TRPC5: variants seen among roughly 807,000 people sequenced by gnomAD.
The protein encoded by TRPC5 is short transient receptor potential channel 5.
TRPC5 carries 9 observed loss-of-function variants against 56.5 expected under a neutral mutation model. The observed-to-expected ratio is 0.16, with a 90% CI of 0.10 to 0.28. The LOEUF (loss-of-function observed/expected upper bound fraction) is 0.28. TRPC5 is among the 10% of genes least tolerant of loss of function. The probability of loss-of-function intolerance (pLI) is 1.00; values close to 1 mark genes in which losing one functional copy is unlikely to be tolerated. For synonymous variants in TRPC5, 282 were observed against 278.5 expected (o/e 1.01, Z -0.13); for missense variants, 469 against 748.9 (o/e 0.63, Z 4.36).
chrX:111,999,347 G>A (rs978346832), intron 1 of TRPC5, among the ~76,000 whole-genome samples: 10 of 110,826 alleles, frequency 9.0e-5, no homozygotes, highest in South Asian at 3.8e-4. Flanking sequence ...TTACTCCCAC[G>A]TATGAGTGAG....
Position 111,772,730 on chromosome X carries a change from C to G in TRPC5, c.*3583G>C, listed in dbSNP as rs1335639983. ...TACAGGAGTGGGCCACCATGCCCAG[C>G]CTCAATTTTTCTAAGGTACTTTTAA... On this transcript the variant is annotated 3_prime_UTR_variant, in exon 11 of 11. Transcript: ENST00000262839. Among the ~76,000 whole-genome samples, 1 of 111,669 alleles carries G rather than the reference C, an allele frequency of 9.0e-6. No homozygotes were observed. Among genetic ancestry groups the G allele is most frequent in the East Asian group, 2.8e-4 (1 of 3,536 alleles).
intron 7 of TRPC5, among the ~76,000 whole-genome samples, chrX:111,807,581 A>T (rs772452251): frequency 8.9e-6 from 1 of 112,289 alleles, no homozygotes; most frequent in South Asian, 3.7e-4. Flanking sequence ...TGCCTTATTT[A>T]GTTCATTTGG....
At chrX:111,807,262 C>A (rs756395841) in intron 7 of TRPC5, among the ~76,000 whole-genome samples, 8 of 110,986 alleles carry the variant, frequency 7.2e-5, no homozygotes, top group African/African-American at 2.6e-4. Flanking sequence ...ATTCTTTTTT[C>A]TTTTGTTTCC....
At chrX:111,927,289 G>T (rs1036238576) in intron 2 of TRPC5, among the ~76,000 whole-genome samples, 1 of 112,198 alleles carries the variant, frequency 8.9e-6, no homozygotes, top group Admixed American at 9.4e-5. Context: ...ATGCCAAAAT[G>T]TCCCCCTGGG....
intron 1 of TRPC5, among the ~76,000 whole-genome samples, chrX:112,024,618 A>G (rs1220608384): frequency 9.0e-6 from 1 of 111,348 alleles, no homozygotes; most frequent in Non-Finnish European, 1.9e-5. Flanking sequence ...ATAATCATGC[A>G]AGTCAATTTT....
intron 1 of TRPC5, among the ~76,000 whole-genome samples, chrX:111,956,665 G>C (rs913370739): frequency 9.0e-6 from 1 of 111,310 alleles, no homozygotes; most frequent in Non-Finnish European, 1.9e-5. Flanking sequence ...TTTGGCTTGA[G>C]ATTATCACTT....
chrX:112,022,852 A>G (rs924359382), intron 1 of TRPC5, among the ~76,000 whole-genome samples: 1 of 112,420 alleles, frequency 8.9e-6, no homozygotes, highest in African/African-American at 3.2e-5. Context: ...TCTATCTTTT[A>G]TTGTTTAGCA....
intron 3 of TRPC5, among the ~76,000 whole-genome samples, chrX:111,860,016 C>G (rs1319176749): frequency 8.9e-6 from 1 of 112,947 alleles, no homozygotes; most frequent in African/African-American, 3.2e-5. Context: ...TTACGCCATT[C>G]TCCTGCCTCG....
intron 2 of TRPC5, among the ~76,000 whole-genome samples, chrX:111,920,471 C>T (rs958349506): frequency 9.0e-6 from 1 of 111,137 alleles, no homozygotes; most frequent in Non-Finnish European, 1.9e-5. Flanking sequence ...GCCTCCTGTG[C>T]AGGCTTAATC....
chrX:111,966,565 A>G (rs1927586059), intron 1 of TRPC5, among the ~76,000 whole-genome samples: 2 of 111,851 alleles, frequency 1.8e-5, no homozygotes, highest in Admixed American at 1.9e-4. Flanking sequence ...ATGAACATTG[A>G]TGCAAAAATC....
intron 3 of TRPC5, among the ~76,000 whole-genome samples, chrX:111,905,047 A>C (rs1395984013): frequency 9.1e-6 from 1 of 110,231 alleles, no homozygotes; most frequent in East Asian, 2.8e-4. Flanking sequence ...AGGAAAAAAC[A>C]ATATGAAAAA....
intron 1 of TRPC5, among the ~76,000 whole-genome samples, chrX:111,999,601 A>G (rs1928643377): frequency 8.9e-6 from 1 of 112,170 alleles, no homozygotes; most frequent in African/African-American, 3.2e-5. Context: ...TCTATTTGAT[A>G]TACTGATTTC....
At chrX:111,879,270 G>C (rs1365714479) in intron 3 of TRPC5, among the ~76,000 whole-genome samples, 2 of 112,183 alleles carry the variant, frequency 1.8e-5, no homozygotes, top group South Asian at 7.5e-4. Flanking sequence ...ATTCAGAGCA[G>C]AGAACTCAGG....
chrX:111,920,239 C>T (rs1274490834), intron 2 of TRPC5, among the ~76,000 whole-genome samples: 1 of 111,178 alleles, frequency 9.0e-6, no homozygotes, highest in Non-Finnish European at 1.9e-5. Flanking sequence ...CGCACCACTA[C>T]ACTCCAGCCT....
chrX:111,869,626 C>T (rs1923671886), intron 3 of TRPC5, among the ~76,000 whole-genome samples: 1 of 112,469 alleles, frequency 8.9e-6, no homozygotes, highest in African/African-American at 3.2e-5. Flanking sequence ...TTTGCAAGTG[C>T]ATACAGCAGT....
chrX:112,033,180 G>C (rs1344028757), intron 1 of TRPC5, among the ~76,000 whole-genome samples: 1 of 88,685 alleles, frequency 1.1e-5, no homozygotes, highest in Admixed American at 1.4e-4. Context: ...GAGAACACTT[G>C]GACACAGGGT....
intron 3 of TRPC5, among the ~76,000 whole-genome samples, chrX:111,892,705 A>G (rs183096849): frequency 3.4e-4 from 38 of 111,749 alleles, no homozygotes; most frequent in Non-Finnish European, 6.8e-4. Context: ...GTTCCCTCAC[A>G]TTTTTACCCA....
At chrX:111,782,932 A>G (rs931942763) in intron 7 of TRPC5, among the ~76,000 whole-genome samples, 4 of 110,816 alleles carry the variant, frequency 3.6e-5, no homozygotes, top group Admixed American at 9.6e-5. Context: ...TCACCCTCCA[A>G]AGTTCCCTAT....
In TRPC5 at chrX:111,832,157, GTA is replaced by G. The variant is rs1182095660; in HGVS notation, c.1896+2762_1896+2763del. 3.6e-5 allele frequency among the ~76,000 whole-genome samples: 4 copies of G among 111,933 alleles called. No homozygotes were observed. In the Admixed American group the frequency reaches 3.8e-4, roughly 11 times the overall value. On this transcript the variant is annotated intron_variant, in intron 7 of 10. Transcript: ENST00000262839. ...GGCCTGGAGTGATTCCTGCTTCACT[GTA>G]TCTTAAGAATAACTCTATACACTAC...
Sources: gnomAD v4.1 joint callset for allele counts (sites outside exome capture counted in the v4.1 genomes callset) on GRCh38, gnomAD v4.1.1 for gene constraint, MANE v1.5 for transcripts, NCBI Gene and HGNC (gene_info 2026-07-23, HGNC 2026-07-21) for gene names.